The following ARHGAP19 variants were observed in gnomAD, a reference collection of about 807,000 sequenced individuals.
ARHGAP19 encodes the protein rho GTPase-activating protein 19.
Under a neutral mutation model 60.9 loss-of-function variants are expected in ARHGAP19, and 48 were observed. The ratio of observed to expected loss-of-function variants is 0.79; its 90% confidence interval spans 0.62 to 1.00. The LOEUF is 1.00. ARHGAP19 is among the 50% of genes least tolerant of loss of function. The pLI, the probability that ARHGAP19 is intolerant of heterozygous loss-of-function variation, is 0.00. For synonymous variants in ARHGAP19, 209 were observed against 215.5 expected, an observed-to-expected ratio of 0.97 and a Z score of 0.27; for missense variants, 562 against 597.2, an observed-to-expected ratio of 0.94 and a Z score of 0.61.
chr10:97,285,522 T>TC (rs1354364471), intron 1 of ARHGAP19, among the ~76,000 whole-genome samples: 1 of 144,560 alleles, frequency 6.9e-6, no homozygotes, highest in East Asian at 2.0e-4. Context: ...TTTTTTGCTT[T>TC]TTTTTTTTTT....
chr10:97,235,759 C>T (rs1286547704), intron 8 of ARHGAP19, among the ~76,000 whole-genome samples: 1 of 152,084 alleles, frequency 6.6e-6, no homozygotes, highest in Non-Finnish European at 1.5e-5. Flanking sequence ...ATCATGACTG[C>T]CTGACAACAA....
intron 7 of ARHGAP19, among the ~76,000 whole-genome samples, chr10:97,245,595 CAAAAAAAA>C (rs397845381): frequency 1.8e-5 from 2 of 112,376 alleles, no homozygotes; most frequent in African/African-American, 3.5e-5. Context: ...AACCCTATCT[CAAAAAAAA>C]AAAAAAAAAA....
At chr10:97,237,386 A>G (rs1225861440) in intron 8 of ARHGAP19, among the ~76,000 whole-genome samples, 1 of 152,172 alleles carries the variant, frequency 6.6e-6, no homozygotes, top group African/African-American at 2.4e-5. Context: ...CGTATATGAC[A>G]GTAGGTCCCA....
At chr10:97,241,942 G>A (rs1190049318) in intron 8 of ARHGAP19, among the ~76,000 whole-genome samples, 3 of 150,282 alleles carry the variant, frequency 2.0e-5, no homozygotes, top group Non-Finnish European at 3.0e-5. Flanking sequence ...CCCAGGAGGC[G>A]GAGCTTGCAG....
rs543603642 is a variant in ARHGAP19, at chr10:97,270,694, T to TCCTTTC, written c.57-4575_57-4570dup. ...CTTGTTTGTTGTGACAAAGAAACTC[T>TCCTTTC]CCTTTCCCTGCCCCAGCACAGCCTA... On this transcript the variant is annotated intron_variant, in intron 1 of 11. Coordinates refer to ENST00000358531, the MANE Select transcript of ARHGAP19 (RefSeq NM_032900.6). The TCCTTTC allele has an allele frequency of 1.4e-4, 221 of 1,540,220 alleles. No individual in the cohort carries two copies. The African/African-American group carries it at 2.8e-3, about 20-fold the overall frequency.
intron 1 of ARHGAP19, among the ~76,000 whole-genome samples, chr10:97,291,038 T>C (rs1442209589): frequency 6.6e-6 from 1 of 152,088 alleles, no homozygotes; most frequent in African/African-American, 2.4e-5. Context: ...GGCTTGCAAC[T>C]TAGCTCACAC....
At chr10:97,233,771 G>C (rs775819653) in intron 9 of ARHGAP19, among the ~76,000 whole-genome samples, 14 of 152,178 alleles carry the variant, frequency 9.2e-5, no homozygotes, top group Non-Finnish European at 1.8e-4. Flanking sequence ...GGGAGGCTGA[G>C]GCAGGAAAAT....
chr10:97,232,685 C>T (rs1851046999), intron 9 of ARHGAP19, among the ~76,000 whole-genome samples: 1 of 151,900 alleles, frequency 6.6e-6, no homozygotes, highest in African/African-American at 2.4e-5. Context: ...AGAGTGAATT[C>T]TAGATATCTA....
At chr10:97,250,418 C>T (rs1354618844) in intron 6 of ARHGAP19, among the ~76,000 whole-genome samples, 1 of 148,176 alleles carries the variant, frequency 6.7e-6, no homozygotes, top group Non-Finnish European at 1.5e-5. Flanking sequence ...TGGAGTCTCG[C>T]TCTGTCGCCA....
At chr10:97,274,165 G>A (rs1842995407) in intron 1 of ARHGAP19, among the ~76,000 whole-genome samples, 1 of 152,018 alleles carries the variant, frequency 6.6e-6, no homozygotes. Context: ...GAGGCATGAA[G>A]GTATGAAAGA....
chr10:97,289,398 G>A (rs924359742), intron 1 of ARHGAP19, among the ~76,000 whole-genome samples: 1 of 152,132 alleles, frequency 6.6e-6, no homozygotes, highest in South Asian at 2.1e-4. Context: ...ACAGGTGTGA[G>A]CCATCGCACC....
chr10:97,287,444 C>T (rs915822176), intron 1 of ARHGAP19, among the ~76,000 whole-genome samples: 3 of 152,162 alleles, frequency 2.0e-5, no homozygotes, highest in Admixed American at 1.3e-4. Context: ...AGCAATTTTT[C>T]CTTGTTTAAA....
At chr10:97,231,082 A>AAAAAAAAAAAAAAAAAAAC (rs1851005659) in intron 9 of ARHGAP19, among the ~76,000 whole-genome samples, 1 of 140,558 alleles carries the variant, frequency 7.1e-6, no homozygotes, top group Non-Finnish European at 1.5e-5. Flanking sequence ...AAAAAAAAAA[A>AAAAAAAAAAAAAAAAAAAC]AAAAAAAGAC....
Position 97,265,051 on chromosome 10 carries a change from C to T in ARHGAP19, c.323-145G>A, listed in dbSNP as rs141837999. On this transcript the variant is annotated intron_variant, in intron 2 of 11. Transcript: ENST00000358531. ...AACAAAAACCTTAGAACTGGAAGTG[C>T]ACCAGAAAACGCGAGCAGGACAACT... 6 of 625,324 alleles carry T rather than the reference C, an allele frequency of 9.6e-6. No homozygotes were observed. The East Asian group carries it at 1.7e-4, about 18-fold the overall frequency. The allele number at this position is 625,324 out of a possible 1,614,324, so 38.7% of individuals were successfully genotyped here. A position where few individuals can be genotyped will look rare whatever the true frequency, so the allele number is the denominator to read the frequency against.
In ARHGAP19 at chr10:97,222,856, T is replaced by G. The variant is rs911217142; in HGVS notation, c.*3266A>C. 1.3e-5 allele frequency: 2 copies of G among 152,176 alleles called. No individual in the cohort carries two copies. The highest frequency in any genetic ancestry group is 2.9e-5 in the Non-Finnish European group (2 of 68,032). 9.4% of individuals were successfully genotyped at this position (152,176 alleles called of 1,614,324 possible). A position where few individuals can be genotyped will look rare whatever the true frequency, so the allele number is the denominator to read the frequency against. On this transcript the variant is annotated 3_prime_UTR_variant, in exon 12 of 12. Coordinates refer to ENST00000358531, the MANE Select transcript of ARHGAP19 (RefSeq NM_032900.6). ...AGCCTCAAGCATCTGTGTGAGGCCTTGTAGGAAAGGAGACAGAGTCTAGAG... is the reference window on the plus strand; with the variant it reads ...AGCCTCAAGCATCTGTGTGAGGCCTGGTAGGAAAGGAGACAGAGTCTAGAG...
At chr10:97,262,039 T>C (rs778466367) in intron 4 of ARHGAP19, among the ~76,000 whole-genome samples, 1 of 152,180 alleles carries the variant, frequency 6.6e-6, no homozygotes, top group African/African-American at 2.4e-5. Context: ...AAAATATCTC[T>C]GGAAGGATAC....
intron 1 of ARHGAP19, among the ~76,000 whole-genome samples, chr10:97,272,131 C>CTTTTTTTT (rs35980234): frequency 0.012 from 985 of 85,636 alleles, 111 homozygotes; most frequent in African/African-American, 0.046. Context: ...GGAAATATGT[C>CTTTTTTTT]TTTTTTTTTT....
chr10:97,260,285 C>T (rs1437568212), intron 4 of ARHGAP19, among the ~76,000 whole-genome samples: 1 of 149,034 alleles, frequency 6.7e-6, no homozygotes, highest in Non-Finnish European at 1.5e-5. Context: ...AATCCCAGCA[C>T]TTTGAGAGGC....
Position 97,279,415 on chromosome 10 carries a change from G to A in ARHGAP19, c.56+13157C>T, listed in dbSNP as rs151320859. Among the ~76,000 whole-genome samples, 4 of 152,260 alleles carry A rather than the reference G, an allele frequency of 2.6e-5. No individual in the cohort carries two copies. The East Asian group carries it at 5.8e-4, about 22-fold the overall frequency. ...TCTCTAAGTTAGACTCCAAAAGTCTGCAAATATATTTAGCCCCTATATTTG... is the reference window on the plus strand; with the variant it reads ...TCTCTAAGTTAGACTCCAAAAGTCTACAAATATATTTAGCCCCTATATTTG... On this transcript the variant is annotated intron_variant, in intron 1 of 11. Coordinates refer to ENST00000358531, the MANE Select transcript of ARHGAP19 (RefSeq NM_032900.6).
Sources: allele counts gnomAD v4.1 joint callset (sites outside exome capture counted in the v4.1 genomes callset), GRCh38; gene constraint gnomAD v4.1.1; transcripts MANE v1.5; gene names NCBI Gene and HGNC (gene_info 2026-07-23, HGNC 2026-07-21).